TENM2: variants seen among roughly 807,000 people sequenced by gnomAD.
The protein encoded by TENM2 is teneurin transmembrane protein 2.
A neutral mutation model predicts 245.2 loss-of-function variants in TENM2; 52 were observed. The ratio of observed to expected loss-of-function variants is 0.21; its 90% CI spans 0.17 to 0.27. The LOEUF is 0.27. Ranked by LOEUF, TENM2 falls within the 10% of genes least tolerant of loss-of-function variation. The probability of loss-of-function intolerance (pLI) is 1.00; values close to 1 mark genes in which losing one functional copy is unlikely to be tolerated. For missense variants in TENM2, 3,046 were observed against 3,666.8 expected, an observed-to-expected ratio of 0.83 and a Z score of 4.37; for synonymous variants, 1,363 against 1,438.9, an observed-to-expected ratio of 0.95 and a Z score of 1.19.
At chr5:167,673,032 C>T (rs1756067326) in intron 2 of TENM2, among the ~76,000 whole-genome samples, 1 of 151,906 alleles carries the variant, frequency 6.6e-6, no homozygotes, top group Non-Finnish European at 1.5e-5. Flanking sequence ...ACCCAGAATT[C>T]CAAAAGATTC....
intron 2 of TENM2, among the ~76,000 whole-genome samples, chr5:167,857,383 C>A (rs912944076): frequency 1.3e-5 from 2 of 152,186 alleles, no homozygotes; most frequent in East Asian, 3.9e-4. Context: ...AACTGCAGGG[C>A]CTCGAGTGTA....
intron 1 of TENM2, among the ~76,000 whole-genome samples, chr5:167,367,085 A>AGAGGAGAATGCCACCACG (rs1561898823): frequency 2.0e-5 from 3 of 152,092 alleles, no homozygotes; most frequent in Non-Finnish European, 4.4e-5. Flanking sequence ...ATGCCACCAC[A>AGAGGAGAATGCCACCACG]TCAGAGGAGA....
At chr5:167,355,800 G>T (rs1402717179) in intron 1 of TENM2, among the ~76,000 whole-genome samples, 1 of 151,690 alleles carries the variant, frequency 6.6e-6, no homozygotes, top group African/African-American at 2.4e-5. Flanking sequence ...TCATTCTAGA[G>T]ATGGAGCAGT....
At chr5:167,991,030 G>A (rs752557700) in intron 4 of TENM2, among the ~76,000 whole-genome samples, 2 of 152,158 alleles carry the variant, frequency 1.3e-5, no homozygotes, top group Non-Finnish European at 2.9e-5. Flanking sequence ...ACTGGAGCTT[G>A]AGCCCTAATG....
intron 2 of TENM2, among the ~76,000 whole-genome samples, chr5:167,535,795 T>G (rs1048938273): frequency 5.9e-5 from 9 of 152,214 alleles, no homozygotes; most frequent in African/African-American, 1.7e-4. Context: ...TCTTTATAAA[T>G]TACTTAGTCT....
At chr5:168,016,014 C>T (rs1785620833) in intron 5 of TENM2, among the ~76,000 whole-genome samples, 1 of 152,156 alleles carries the variant, frequency 6.6e-6, no homozygotes, top group African/African-American at 2.4e-5. Context: ...TATTCCCCTC[C>T]TTCTGCACTG....
intron 12 of TENM2, among the ~76,000 whole-genome samples, chr5:168,148,540 T>G (rs1756320039): frequency 6.6e-6 from 1 of 152,186 alleles, no homozygotes; most frequent in South Asian, 2.1e-4. Context: ...AAAGAAAGTT[T>G]CAGAGAGCAG....
Position 167,953,446 on chromosome 5 carries a change from C to G in TENM2, c.947+624C>G, listed in dbSNP as rs536031812. ...CCAGGTCTGGCTTTGTTTTGTGTAG[C>G]CTTTGCTTCTGTCCTTTTTTCACCT... On this transcript the variant is annotated intron_variant, in intron 4 of 28. Coordinates refer to ENST00000518659, the Ensembl canonical transcript of TENM2. The G allele has an allele frequency of 4.6e-5, 7 of 153,392 alleles. No individual in the cohort carries two copies. In the East Asian group the frequency reaches 7.7e-4, roughly 17 times the overall value. The allele number at this position is 153,392 out of a possible 1,614,324, so 9.5% of individuals were successfully genotyped here.
At chr5:167,385,294 A>G (rs1456285482) in intron 2 of TENM2, among the ~76,000 whole-genome samples, 1 of 151,838 alleles carries the variant, frequency 6.6e-6, no homozygotes, top group Non-Finnish European at 1.5e-5. Context: ...TCCTGTAACT[A>G]TAGTTATGTC....
At chr5:167,425,369 T>G (rs1027029565) in intron 2 of TENM2, among the ~76,000 whole-genome samples, 1 of 152,138 alleles carries the variant, frequency 6.6e-6, no homozygotes, top group African/African-American at 2.4e-5. Flanking sequence ...CACCTTCGTT[T>G]GTAAGTGTGG....
chr5:167,745,618 C>T (rs1761505614), intron 2 of TENM2, among the ~76,000 whole-genome samples: 1 of 152,184 alleles, frequency 6.6e-6, no homozygotes, highest in African/African-American at 2.4e-5. Context: ...CAACATCCTC[C>T]ACTTTTAGAA....
intron 6 of TENM2, among the ~76,000 whole-genome samples, chr5:168,055,230 A>G (rs989107357): frequency 1.3e-5 from 2 of 152,226 alleles, no homozygotes; most frequent in Non-Finnish European, 2.9e-5. Context: ...CATACACCCC[A>G]ACTCTGATGT....
chr5:167,756,831 C>T (rs1425896101), intron 2 of TENM2, among the ~76,000 whole-genome samples: 1 of 151,948 alleles, frequency 6.6e-6, no homozygotes, highest in Non-Finnish European at 1.5e-5. Flanking sequence ...CCCACTCCCA[C>T]CCCCAGCTTT....
the TENM2 span, among the ~76,000 whole-genome samples, chr5:167,138,619 A>G: frequency 6.6e-6 from 1 of 152,002 alleles, no homozygotes; most frequent in African/African-American, 2.4e-5. Flanking sequence ...TTTTGTTCTT[A>G]TTTTTATTGA....
intron 2 of TENM2, among the ~76,000 whole-genome samples, chr5:167,767,863 A>T (rs1257528987): frequency 6.6e-6 from 1 of 152,184 alleles, no homozygotes; most frequent in African/African-American, 2.4e-5. Context: ...AGATGTGTTT[A>T]AGCTTGATGT....
At chr5:166,989,177 C>A in the TENM2 span, among the ~76,000 whole-genome samples, 1 of 150,990 alleles carries the variant, frequency 6.6e-6, no homozygotes, top group Non-Finnish European at 1.5e-5. Context: ...TCAAGTGATT[C>A]TCCTGCCTCA....
At chr5:167,704,987 G>A (rs1758407728) in intron 2 of TENM2, among the ~76,000 whole-genome samples, 1 of 152,128 alleles carries the variant, frequency 6.6e-6, no homozygotes, top group African/African-American at 2.4e-5. Context: ...ATTATTGACA[G>A]TGGAGATTGA....
rs527358318 is a variant in TENM2, at chr5:167,707,752, C to T, written c.503-168234C>T. 2.6e-5 allele frequency among the ~76,000 whole-genome samples: 4 copies of T among 152,316 alleles called. No homozygotes were observed. The East Asian group carries it at 7.7e-4, about 29-fold the overall frequency. Reference sequence around the variant, plus strand: ...ATTTCATTAGGCTGTGGTCTCAGATCCCGAACCAGACTGAAGACACATAGA... The same window carrying T: ...ATTTCATTAGGCTGTGGTCTCAGATTCCGAACCAGACTGAAGACACATAGA... On this transcript the variant is annotated intron_variant, in intron 2 of 28. Coordinates refer to ENST00000518659, the Ensembl canonical transcript of TENM2.
At chr5:167,726,678 T>C (rs971448945) in intron 2 of TENM2, among the ~76,000 whole-genome samples, 1 of 152,154 alleles carries the variant, frequency 6.6e-6, no homozygotes, top group Non-Finnish European at 1.5e-5. Flanking sequence ...AGGCTGATAT[T>C]GAACTCCTGG....
Sources: allele counts gnomAD v4.1 joint callset (sites outside exome capture counted in the v4.1 genomes callset), GRCh38; gene constraint gnomAD v4.1.1; transcripts MANE v1.5; gene names NCBI Gene and HGNC (gene_info 2026-07-23, HGNC 2026-07-21).